The following ZSCAN30 variants were observed in gnomAD, a reference collection of about 807,000 sequenced individuals.
ZSCAN30 encodes the protein zinc finger and SCAN domain-containing protein 30.
A neutral mutation model predicts 44.3 loss-of-function variants in ZSCAN30; 37 were observed. That is an observed-to-expected ratio of 0.84 (90% CI 0.64 to 1.10). The LOEUF (loss-of-function observed/expected upper bound fraction) is 1.10. Ranked by LOEUF, ZSCAN30 falls within the 50% of genes least tolerant of loss-of-function variation. The probability of loss-of-function intolerance (pLI) is 0.00; values close to 1 mark genes in which losing one functional copy is unlikely to be tolerated. For synonymous variants in ZSCAN30, 181 were observed against 204.6 expected (o/e 0.88, Z 0.98); for missense variants, 549 against 582.6 (o/e 0.94, Z 0.59).
chr18:35,281,528 C>T (rs1598653073), intron 1 of ZSCAN30: 4 of 152,308 alleles, frequency 2.6e-5, no homozygotes. Flanking sequence ...GTTAACAAAA[C>T]ACTTTACCTT....
At chr18:35,269,792 C>T (rs2044233916) in intron 1 of ZSCAN30, 2 of 134,342 alleles carry the variant, frequency 1.5e-5, no homozygotes, top group Admixed American at 1.5e-4. Flanking sequence ...GTGAAATGAA[C>T]AAAGTAAACA....
chr18:35,271,174 T>C (rs2044266471), intron 1 of ZSCAN30, among the ~76,000 whole-genome samples: 1 of 152,194 alleles, frequency 6.6e-6, no homozygotes, highest in African/African-American at 2.4e-5. Context: ...CCCACCAGGT[T>C]CCTGCTGCTT....
At chr18:35,270,715 G>C (rs868576520) in intron 1 of ZSCAN30, among the ~76,000 whole-genome samples, 52 of 152,260 alleles carry the variant, frequency 3.4e-4, no homozygotes, top group Admixed American at 2.4e-3. Flanking sequence ...CAAGTAGCTG[G>C]GATTACAGGC....
chr18:35,259,873 T>A (rs1057303783), intron 3 of ZSCAN30, among the ~76,000 whole-genome samples: 1 of 152,064 alleles, frequency 6.6e-6, no homozygotes, highest in Non-Finnish European at 1.5e-5. Flanking sequence ...TTTAAAAGTT[T>A]AATTTAAGTT....
chr18:35,252,047 A>G lies in ZSCAN30; in HGVS notation c.*1403T>C, dbSNP rs1001297989. 1.3e-5 allele frequency: 2 copies of G among 152,194 alleles called. No individual in the cohort carries two copies. Among genetic ancestry groups the G allele is most frequent in the East Asian group, 3.9e-4 (2 of 5,194 alleles). The allele number at this position is 152,194 out of a possible 1,614,324, so 9.4% of individuals were successfully genotyped here. A position where few individuals can be genotyped will look rare whatever the true frequency, so the allele number is the denominator to read the frequency against. On this transcript the variant is annotated 3_prime_UTR_variant, in exon 4 of 4. Coordinates refer to ENST00000333206, the MANE Select transcript of ZSCAN30 (RefSeq NM_001112734.4). ...TTATAGCCCATACAATGGCATGAAG[A>G]TAAGATAGGATCTGGAGACAGCCCA...
chr18:35,253,020 T>C lies in ZSCAN30; in HGVS notation c.*430A>G, dbSNP rs992716509. On this transcript the variant is annotated 3_prime_UTR_variant, in exon 4 of 4. Coordinates refer to ENST00000333206, the MANE Select transcript of ZSCAN30 (RefSeq NM_001112734.4). ...AAATTCAACATTTCAGATAGTTGAA[T>C]AACTCTCAGCACATGCCTCCACCTG... 1 of 158,034 alleles carries C rather than the reference T, an allele frequency of 6.3e-6. No individual in the cohort carries two copies. The highest frequency in any genetic ancestry group is 1.4e-5 in the Non-Finnish European group (1 of 72,098). The allele number at this position is 158,034 out of a possible 1,614,324, so 9.8% of individuals were successfully genotyped here.
Position 35,254,063 on chromosome 18 carries a change from T to G in ZSCAN30, c.872A>C (p.Gln291Pro). ...CTTTTCCCTAGTGTCAACGCTCTGTTGTGTAATATCATTTGAATTCATACT... is the reference window on the plus strand; with the variant it reads ...CTTTTCCCTAGTGTCAACGCTCTGTGGTGTAATATCATTTGAATTCATACT... Reference protein sequence around the residue: ...SFSMNSNDITQQSVDTREKLY... With the variant: ...SFSMNSNDITPQSVDTREKLY... The change falls in exon 4 of 4, where the codon CAA (glutamine) becomes CCA (proline). Residue 291 changes from glutamine to proline, a missense_variant. By Grantham distance (76) the Gln-to-Pro change is moderately conservative. Coordinates refer to ENST00000333206, the MANE Select transcript of ZSCAN30 (RefSeq NM_001112734.4). The G allele has an allele frequency of 6.2e-7, 1 of 1,614,174 alleles. No individual in the cohort carries two copies. The highest frequency in any genetic ancestry group is 8.5e-7 in the Non-Finnish European group (1 of 1,180,016).
Position 35,264,156 on chromosome 18 carries a change from A to G in ZSCAN30, c.197T>C (p.Leu66Pro). ...ACAGCAAAGCTCTCGCAGCCGGCTC[A>G]GAGCCTCCCGAGGGCCAGTGGAGTC... ...YSDSTGPREA[L>P]SRLRELCCQW... is the part of the protein sequence containing the mutation. The change falls in exon 2 of 4, where the codon CTG (leucine) becomes CCG (proline). Residue 66 changes from leucine (L) to proline (P), a missense_variant. Transcript: ENST00000333206. The G allele has an allele frequency of 6.2e-7, 1 of 1,614,250 alleles. No homozygotes were observed. The highest frequency in any genetic ancestry group is 8.5e-7 in the Non-Finnish European group (1 of 1,180,042).
intron 1 of ZSCAN30, among the ~76,000 whole-genome samples, chr18:35,279,614 A>G (rs2044420481): frequency 6.6e-6 from 1 of 152,256 alleles, no homozygotes; most frequent in Admixed American, 6.5e-5. Context: ...AGATCAAGGC[A>G]CTGAAAGATT....
At position 35,264,145 on chromosome 18, in the gene ZSCAN30, G is replaced by A. The variant is rs746793634; in HGVS notation, c.208C>T (p.Arg70Ter). The A allele has an allele frequency of 1.8e-5, 29 of 1,614,076 alleles. No homozygotes were observed. The highest frequency in any genetic ancestry group is 3.3e-5 in the South Asian group (3 of 91,092). ...CTCAACCACTGACAGCAAAGCTCTC[G>A]CAGCCGGCTCAGAGCCTCCCGAGGG... is the stretch of plus-strand genomic sequence containing the variant. Reference protein sequence around the residue: ...TGPREALSRLRELCCQWLRPE... With the variant: ...TGPREALSRL The change falls in exon 2 of 4, where the codon CGA becomes TGA. Residue 70 changes from arginine (R) to a stop codon, truncating the protein, a stop_gained. Transcript: ENST00000333206. LOFTEE classifies it high-confidence loss of function.
chr18:35,254,397 GA>G lies in ZSCAN30; in HGVS notation c.554-17del. 1 of 1,613,896 alleles carries G rather than the reference GA, an allele frequency of 6.2e-7. No individual in the cohort carries two copies. The highest frequency in any genetic ancestry group is 8.5e-7 in the Non-Finnish European group (1 of 1,179,942). On this transcript the variant is annotated splice_polypyrimidine_tract_variant and intron_variant, in intron 3 of 3. Transcript: ENST00000333206. ...ATCCTGCCATCTAAAAATGTGAATAGAAAGTGTAAGTATCATTTACTTCCCA... is the reference window on the plus strand; with the variant it reads ...ATCCTGCCATCTAAAAATGTGAATAGAAGTGTAAGTATCATTTACTTCCCA...
chr18:35,260,772 T>G (rs1231093473), intron 3 of ZSCAN30: 1 of 152,156 alleles, frequency 6.6e-6, no homozygotes, highest in Non-Finnish European at 1.5e-5. Context: ...GTCAGATGGA[T>G]AGATTGCAAA....
intron 1 of ZSCAN30, among the ~76,000 whole-genome samples, chr18:35,272,497 C>T (rs754144486): frequency 4.0e-4 from 60 of 151,782 alleles, no homozygotes; most frequent in Non-Finnish European, 7.2e-4. Flanking sequence ...TGTGTTACCA[C>T]ACCCAGTTAA....
chr18:35,279,734 T>G (rs998751876), intron 1 of ZSCAN30, among the ~76,000 whole-genome samples: 33 of 152,194 alleles, frequency 2.2e-4, no homozygotes, highest in Non-Finnish European at 1.5e-5. Flanking sequence ...TAAAGACACT[T>G]AATCCCACTC....
At chr18:35,257,888 C>G (rs2043893707) in intron 3 of ZSCAN30, 1 of 780,940 alleles carries the variant, frequency 1.3e-6, no homozygotes. Flanking sequence ...ATTGCTTGCT[C>G]TTTTCCCTTC....
At chr18:35,273,661 T>C (rs1213868809) in intron 1 of ZSCAN30, among the ~76,000 whole-genome samples, 4 of 152,268 alleles carry the variant, frequency 2.6e-5, no homozygotes, top group African/African-American at 9.6e-5. Context: ...TAAAAATCAG[T>C]TGACCACGTG....
intron 1 of ZSCAN30, among the ~76,000 whole-genome samples, chr18:35,265,743 A>G (rs891426019): frequency 6.6e-6 from 1 of 152,234 alleles, no homozygotes; most frequent in Admixed American, 6.5e-5. Context: ...CGTACCAAAG[A>G]GCAGTCTCAG....
intron 1 of ZSCAN30, chr18:35,268,784 A>G (rs2044215458): frequency 6.6e-6 from 1 of 152,248 alleles, no homozygotes; most frequent in African/African-American, 2.4e-5. Flanking sequence ...CAAGAAAAGA[A>G]AAAGAATATT....
chr18:35,273,843 C>T (rs1237891341), intron 1 of ZSCAN30, among the ~76,000 whole-genome samples: 7 of 152,310 alleles, frequency 4.6e-5, no homozygotes, highest in Non-Finnish European at 8.8e-5. Context: ...TTGTCTTTTA[C>T]GTCCCTGAAT....
Sources: allele counts gnomAD v4.1 joint callset (sites outside exome capture counted in the v4.1 genomes callset), GRCh38; gene constraint gnomAD v4.1.1; transcripts MANE v1.5; gene names NCBI Gene and HGNC (gene_info 2026-07-23, HGNC 2026-07-21).